The following SGCZ variants were observed in gnomAD, a reference collection of about 807,000 sequenced individuals.
SGCZ encodes the protein zeta-sarcoglycan.
In SGCZ, 40 loss-of-function variants were observed where a neutral mutation model predicts 41.3. The ratio of observed to expected loss-of-function variants is 0.97; its 90% CI spans 0.75 to 1.26. SGCZ has a LOEUF of 1.26. Ranked by LOEUF, SGCZ falls within the 50% of genes most tolerant of loss-of-function variation. SGCZ has a pLI of 0.00. For missense variants in SGCZ, 552 were observed against 369.8 expected (o/e 1.49, Z -4.04); for synonymous variants, 206 against 137.5 (o/e 1.50, Z -3.49).
chr8:14,269,544 C>G (rs1443814242), intron 3 of SGCZ, among the ~76,000 whole-genome samples: 1 of 152,160 alleles, frequency 6.6e-6, no homozygotes, highest in Non-Finnish European at 1.5e-5. Context: ...GACCATGATG[C>G]ACACTCCTTG....
intron 4 of SGCZ, among the ~76,000 whole-genome samples, chr8:14,170,730 G>C (rs544712729): frequency 9.9e-5 from 15 of 152,010 alleles, no homozygotes; most frequent in African/African-American, 3.6e-4. Context: ...CGGGTGAGAC[G>C]TTATTTTGTA....
chr8:15,108,440 A>G (rs546797071), intron 1 of SGCZ, among the ~76,000 whole-genome samples: 1 of 152,350 alleles, frequency 6.6e-6, no homozygotes, highest in South Asian at 2.1e-4. Flanking sequence ...AGGAATTGGA[A>G]AGCTCTGTTA....
chr8:14,344,969 A>C (rs981493172), intron 2 of SGCZ, among the ~76,000 whole-genome samples: 11 of 152,100 alleles, frequency 7.2e-5, no homozygotes, highest in Non-Finnish European at 1.5e-4. Context: ...CAGTAATTTC[A>C]CTTGTAGGCA....
intron 3 of SGCZ, among the ~76,000 whole-genome samples, chr8:14,259,650 G>C (rs941690177): frequency 7.3e-6 from 1 of 136,424 alleles, no homozygotes; most frequent in East Asian, 2.0e-4. Context: ...TGAGGGCTCT[G>C]TTCTGTTCCA....
At chr8:14,345,184 A>T (rs1802852060) in intron 2 of SGCZ, among the ~76,000 whole-genome samples, 1 of 152,146 alleles carries the variant, frequency 6.6e-6, no homozygotes, top group African/African-American at 2.4e-5. Flanking sequence ...AAAGGTGGTT[A>T]ACCTCATTAC....
intron 1 of SGCZ, among the ~76,000 whole-genome samples, chr8:14,865,071 CAT>C (rs1225452675): frequency 6.6e-6 from 1 of 152,002 alleles, no homozygotes; most frequent in African/African-American, 2.4e-5. Context: ...TGTGTACACA[CAT>C]ATATATATTC....
chr8:14,734,647 G>A (rs1181407809), intron 1 of SGCZ, among the ~76,000 whole-genome samples: 1 of 152,126 alleles, frequency 6.6e-6, no homozygotes, highest in Non-Finnish European at 1.5e-5. Flanking sequence ...GAAATAAAGA[G>A]ACAATTCCAA....
At chr8:15,094,837 C>T (rs1199771345) in intron 1 of SGCZ, among the ~76,000 whole-genome samples, 1 of 152,122 alleles carries the variant, frequency 6.6e-6, no homozygotes, top group African/African-American at 2.4e-5. Context: ...TCTCTCCTGC[C>T]ACCCTGTCAA....
intron 2 of SGCZ, among the ~76,000 whole-genome samples, chr8:14,535,403 G>C (rs1803263027): frequency 6.6e-6 from 1 of 151,742 alleles, no homozygotes; most frequent in South Asian, 2.1e-4. Flanking sequence ...AATGCAATGG[G>C]CCATAATAAG....
chr8:15,114,019 G>A (rs1807168370), intron 1 of SGCZ, among the ~76,000 whole-genome samples: 2 of 152,088 alleles, frequency 1.3e-5, no homozygotes, highest in Non-Finnish European at 2.9e-5. Context: ...AGGTATCTTG[G>A]TATCTTTCCC....
At chr8:14,944,146 G>A (rs924438190) in intron 1 of SGCZ, among the ~76,000 whole-genome samples, 2 of 152,050 alleles carry the variant, frequency 1.3e-5, no homozygotes, top group African/African-American at 2.4e-5. Flanking sequence ...GAATCATATA[G>A]GCAGGGTGGG....
chr8:14,239,720 G>C (rs1034081930), intron 3 of SGCZ, among the ~76,000 whole-genome samples: 7 of 151,014 alleles, frequency 4.6e-5, no homozygotes, highest in African/African-American at 1.7e-4. Flanking sequence ...GGCTAAAACG[G>C]TGAAACCCCG....
Position 14,671,045 on chromosome 8 carries a change from A to G in SGCZ, c.40-116119T>C, listed in dbSNP as rs1305315431. Reference sequence around the variant, plus strand: ...TTGGTGTGCTGAAGCTTTGGTTGGGAAAGGAGTCCACTGCGCATTCATTTT... The same window carrying G: ...TTGGTGTGCTGAAGCTTTGGTTGGGGAAGGAGTCCACTGCGCATTCATTTT... On this transcript the variant is annotated intron_variant, in intron 1 of 7. Coordinates refer to ENST00000382080, the MANE Select transcript of SGCZ (RefSeq NM_139167.4). 2.0e-5 allele frequency among the ~76,000 whole-genome samples: 3 copies of G among 152,140 alleles called. No individual in the cohort carries two copies. In the East Asian group the frequency reaches 5.8e-4, roughly 29 times the overall value.
At chr8:14,723,068 G>T (rs1298432956) in intron 1 of SGCZ, among the ~76,000 whole-genome samples, 1 of 152,046 alleles carries the variant, frequency 6.6e-6, no homozygotes, top group Non-Finnish European at 1.5e-5. Context: ...TGCTAGGCAG[G>T]TTCAAAAGAA....
intron 7 of SGCZ, among the ~76,000 whole-genome samples, chr8:14,095,421 T>G (rs1177588557): frequency 2.0e-5 from 3 of 152,096 alleles, no homozygotes; most frequent in Non-Finnish European, 4.4e-5. Flanking sequence ...TTTGTCAAAG[T>G]TCAGATGGTC....
At chr8:14,480,409 A>C (rs1001916099) in intron 2 of SGCZ, among the ~76,000 whole-genome samples, 1 of 152,044 alleles carries the variant, frequency 6.6e-6, no homozygotes, top group Non-Finnish European at 1.5e-5. Flanking sequence ...TTCTTTGCCA[A>C]ATCCACCTTA....
chr8:14,933,525 G>A (rs1326501383), intron 1 of SGCZ, among the ~76,000 whole-genome samples: 4 of 141,268 alleles, frequency 2.8e-5, no homozygotes, highest in African/African-American at 1.1e-4. Flanking sequence ...TCCGCCTCCC[G>A]CGTTCACACC....
chr8:14,551,489 T>TTATATAA (rs1803823768), intron 2 of SGCZ, among the ~76,000 whole-genome samples: 1 of 6,256 alleles, frequency 1.6e-4, no homozygotes, highest in African/African-American at 4.5e-4. Flanking sequence ...ATTATATATA[T>TTATATAA]TATATATATT....
At chr8:14,650,514 A>G (rs1413002093) in intron 1 of SGCZ, among the ~76,000 whole-genome samples, 1 of 151,536 alleles carries the variant, frequency 6.6e-6, no homozygotes, top group Non-Finnish European at 1.5e-5. Context: ...CCCACCCCTG[A>G]CCCTAAGGTA....
Sources: allele counts gnomAD v4.1 joint callset (sites outside exome capture counted in the v4.1 genomes callset), GRCh38; gene constraint gnomAD v4.1.1; transcripts MANE v1.5; gene names NCBI Gene and HGNC (gene_info 2026-07-23, HGNC 2026-07-21).